CMKLR2: variants seen among roughly 807,000 people sequenced by gnomAD.
CMKLR2 encodes chemerin chemokine-like receptor 2.
In CMKLR2, 18 loss-of-function variants were observed where a neutral mutation model predicts 23.0. The ratio of observed to expected loss-of-function variants is 0.78; its 90% CI spans 0.54 to 1.16. CMKLR2 has a LOEUF of 1.16. Ranked by LOEUF, CMKLR2 falls within the 50% of genes most tolerant of loss-of-function variation. The pLI is 0.00. For missense variants in CMKLR2, 401 were observed against 412.7 expected (o/e 0.97, Z 0.25); for synonymous variants, 158 against 158.9 (o/e 0.99, Z 0.05).
intron 1 of CMKLR2, among the ~76,000 whole-genome samples, chr2:206,195,743 T>C (rs1013400133): frequency 5.9e-5 from 9 of 151,560 alleles, no homozygotes; most frequent in South Asian, 2.1e-4. Flanking sequence ...TCACCTGAGG[T>C]TGGGAGTTCG....
At chr2:206,189,468 C>A (rs1688683149) in intron 1 of CMKLR2, among the ~76,000 whole-genome samples, 1 of 152,040 alleles carries the variant, frequency 6.6e-6, no homozygotes, top group Non-Finnish European at 1.5e-5. Context: ...AACCCCATCT[C>A]TACTAAAAAT....
chr2:206,197,262 G>A (rs777754264), intron 1 of CMKLR2, among the ~76,000 whole-genome samples: 49 of 152,086 alleles, frequency 3.2e-4, no homozygotes, highest in Non-Finnish European at 6.5e-4. Flanking sequence ...TGCCCTTTCA[G>A]TCTCTCTTGG....
intron 1 of CMKLR2, among the ~76,000 whole-genome samples, chr2:206,184,699 C>A (rs1016008965): frequency 2.0e-5 from 3 of 152,062 alleles, no homozygotes; most frequent in African/African-American, 7.2e-5. Context: ...ACCCATAAGA[C>A]TAACTCAGGA....
chr2:206,196,970 G>A (rs564350996), intron 1 of CMKLR2, among the ~76,000 whole-genome samples: 6 of 152,100 alleles, frequency 3.9e-5, no homozygotes, highest in Non-Finnish European at 8.8e-5. Flanking sequence ...GTGCAGTGGC[G>A]TGATCTCGGC....
chr2:206,191,837 ATTTT>A (rs774926244), intron 1 of CMKLR2, among the ~76,000 whole-genome samples: 1 of 119,232 alleles, frequency 8.4e-6, no homozygotes, highest in South Asian at 2.8e-4. Context: ...TGCCCAACTA[ATTTT>A]TTTTTTTTTT....
chr2:206,189,232 G>A (rs1688675264), intron 1 of CMKLR2, among the ~76,000 whole-genome samples: 1 of 152,116 alleles, frequency 6.6e-6, no homozygotes. Context: ...CCTGTGTAGA[G>A]TTCCTCACAC....
At chr2:206,192,972 AGTT>A (rs1488994952) in intron 1 of CMKLR2, among the ~76,000 whole-genome samples, 2 of 152,224 alleles carry the variant, frequency 1.3e-5, no homozygotes, top group East Asian at 3.8e-4. Flanking sequence ...CTATAAAAAT[AGTT>A]GTTGTATTGT....
At position 206,189,068 on chromosome 2, in the gene CMKLR2, A is replaced by T. The variant is rs77560749; in HGVS notation, c.-28-11793T>A. ...GGCAGAACATTTGGCGAATGAAGAG[A>T]GGTTTAATTTTGTTCTGTATTGTTG... On this transcript the variant is annotated intron_variant, in intron 1 of 1. Coordinates refer to ENST00000621141, the MANE Select transcript of CMKLR2 (RefSeq NM_001389445.1). Among the ~76,000 whole-genome samples, 1,081 of 152,240 alleles carry T rather than the reference A, an allele frequency of 7.1e-3. 20 individuals carry two copies. The highest frequency in any genetic ancestry group is 0.025 in the African/African-American group (1,029 of 41,538).
chr2:206,201,222 A>G (rs1689085407), intron 1 of CMKLR2, among the ~76,000 whole-genome samples: 1 of 152,204 alleles, frequency 6.6e-6, no homozygotes, highest in African/African-American at 2.4e-5. Flanking sequence ...TATAGGTGTG[A>G]GCCACCCTGC....
intron 1 of CMKLR2, among the ~76,000 whole-genome samples, chr2:206,184,885 G>A (rs139236482): frequency 9.1e-5 from 11 of 120,404 alleles, no homozygotes; most frequent in Non-Finnish European, 2.1e-4. Context: ...TAGTAAAAAA[G>A]TAATATTATA....
intron 1 of CMKLR2, among the ~76,000 whole-genome samples, chr2:206,180,589 C>A (rs1688377797): frequency 6.6e-6 from 1 of 151,932 alleles, no homozygotes. Flanking sequence ...AGTACATCAC[C>A]ATGCCTGGCT....
chr2:206,191,890 G>A (rs1162451944), intron 1 of CMKLR2, among the ~76,000 whole-genome samples: 1 of 149,432 alleles, frequency 6.7e-6, no homozygotes, highest in Non-Finnish European at 1.5e-5. Context: ...ACCCAGGCTG[G>A]AGTGCAATGG....
At chr2:206,187,771 T>C (rs1441381426) in intron 1 of CMKLR2, among the ~76,000 whole-genome samples, 1 of 151,950 alleles carries the variant, frequency 6.6e-6, no homozygotes, top group Non-Finnish European at 1.5e-5. Flanking sequence ...ATACAAGTAG[T>C]TTTTGAGAGA....
At chr2:206,212,967 A>G (rs1689624727) in intron 1 of CMKLR2, among the ~76,000 whole-genome samples, 1 of 152,200 alleles carries the variant, frequency 6.6e-6, no homozygotes, top group African/African-American at 2.4e-5. Context: ...TCCTTAAAAG[A>G]CAGATTTATG....
At chr2:206,213,658 G>A (rs1355449146), upstream of CMKLR2, 1 of 152,192 alleles carries the variant, frequency 6.6e-6, no homozygotes, top group African/African-American at 2.4e-5. Context: ...GGTAATGGAT[G>A]GGGGTCACCC....
At chr2:206,210,461 CTTT>C (rs35951489) in intron 1 of CMKLR2, among the ~76,000 whole-genome samples, 7 of 144,956 alleles carry the variant, frequency 4.8e-5, no homozygotes, top group Admixed American at 6.9e-5. Context: ...CATTTTTACT[CTTT>C]TTTTTTTTTT....
At chr2:206,214,770 C>G (rs1053242004), upstream of CMKLR2, among the ~76,000 whole-genome samples, 6 of 151,854 alleles carry the variant, frequency 4.0e-5, 1 homozygote, top group South Asian at 1.3e-3. Context: ...ACTGCAGGCG[C>G]CCGCCACCAC....
intron 1 of CMKLR2, among the ~76,000 whole-genome samples, chr2:206,205,198 T>C (rs561654490): frequency 8.5e-5 from 13 of 152,372 alleles, no homozygotes; most frequent in Non-Finnish European, 1.9e-4. Context: ...TTACCATACC[T>C]AGAAAACAGG....
intron 1 of CMKLR2, among the ~76,000 whole-genome samples, chr2:206,188,391 G>A (rs1266917872): frequency 6.6e-6 from 1 of 152,184 alleles, no homozygotes; most frequent in Non-Finnish European, 1.5e-5. Context: ...TTTTCGACTT[G>A]ACAGAAAAGA....
Sources: gnomAD v4.1 joint callset for allele counts (sites outside exome capture counted in the v4.1 genomes callset) on GRCh38, gnomAD v4.1.1 for gene constraint, MANE v1.5 for transcripts, NCBI Gene and HGNC (gene_info 2026-07-23, HGNC 2026-07-21) for gene names.